Variants in C4orf17 observed in about 807,000 individuals in gnomAD.
C4orf17 encodes uncharacterized protein C4orf17.
C4orf17 carries 25 observed loss-of-function variants against 32.0 expected under a neutral mutation model. The ratio of observed to expected loss-of-function variants is 0.78; its 90% CI spans 0.57 to 1.09. The LOEUF is 1.09. Ranked by LOEUF, C4orf17 falls within the 50% of genes least tolerant of loss-of-function variation. The pLI, the probability that C4orf17 is intolerant of heterozygous loss-of-function variation, is 0.00. For missense variants in C4orf17, 420 were observed against 420.0 expected, an observed-to-expected ratio of 1.00 and a Z score of 0.00; for synonymous variants, 149 against 145.8, an observed-to-expected ratio of 1.02 and a Z score of -0.16.
chr4:99,539,065 C>T (rs954719096), intron 6 of C4orf17, 98 bp from the exon 7 acceptor site: 2 of 1,076,408 alleles, frequency 1.9e-6, no homozygotes, highest in Admixed American at 4.1e-5. Flanking sequence ...AATAGATGAC[C>T]AGTCTTTCAT....
Position 99,520,338 on chromosome 4 carries a change from G to A in C4orf17, c.128-2162G>A, listed in dbSNP as rs570901655. The stretch of plus-strand genomic sequence containing the variant: ...TCTCGATCTCCTGACCTCGTGATCC[G>A]CCCGCCTCAGCCTCCCAAAGTGCTG... On this transcript the variant is annotated intron_variant, in intron 2 of 8. Transcript: ENST00000326581. 4.6e-5 allele frequency among the ~76,000 whole-genome samples: 7 copies of A among 151,774 alleles called. No homozygotes were observed. In the South Asian group the frequency reaches 6.2e-4, roughly 13 times the overall value.
chr4:99,519,715 G>A (rs1000079019), intron 2 of C4orf17, among the ~76,000 whole-genome samples: 2 of 152,160 alleles, frequency 1.3e-5, no homozygotes, highest in African/African-American at 4.8e-5. Context: ...GTAGAAAGTG[G>A]AAGATGAGCA....
At chr4:99,524,609 A>C (rs762954593) in intron 4 of C4orf17, 24 bp downstream of exon 4, 10 of 863,050 alleles carry the variant, frequency 1.2e-5, no homozygotes, top group Non-Finnish European at 1.6e-6. Flanking sequence ...ATTTACTGCT[A>C]TCTATTTAGT....
chr4:99,526,820 T>C (rs1013469219), intron 4 of C4orf17, among the ~76,000 whole-genome samples: 3 of 152,102 alleles, frequency 2.0e-5, no homozygotes, highest in Non-Finnish European at 4.4e-5. Context: ...GTTTAATGTT[T>C]GTTCTCTCAT....
chr4:99,539,290 A>G lies in C4orf17; in HGVS notation c.756A>G (p.Pro252=). 6.2e-7 allele frequency: 1 copy of G among 1,614,094 alleles called. No individual in the cohort carries two copies. Among genetic ancestry groups the G allele is most frequent in the African/African-American group, 1.3e-5 (1 of 75,054 alleles). ...GGAAGCCACCCACAGTTAAATCACC[A>G]CCCACAGTTAAATTGCCCCCAAATT... is the stretch of plus-strand genomic sequence containing the variant. ...ETGKPPTVKS[P]PTVKLPPNFT... Residue 252 remains proline (P), a synonymous_variant, in exon 7 of 9, where the codon CCA becomes CCG. Transcript: ENST00000326581.
At chr4:99,522,473 CTCT>C in intron 2 of C4orf17, 24 bp from the exon 3 acceptor site, 1 of 1,568,274 alleles carries the variant, frequency 6.4e-7, no homozygotes, top group Non-Finnish European at 8.8e-7. Context: ...CTTGATCTGT[CTCT>C]TTTTTTAATC....
rs189643370 is a variant in C4orf17, at chr4:99,523,885, T to C, written c.338-636T>C. Among the ~76,000 whole-genome samples, 795 of 151,250 alleles carry C rather than the reference T, an allele frequency of 5.3e-3. 8 individuals carry two copies. The highest frequency in any genetic ancestry group is 0.019 in the African/African-American group (769 of 41,254). ...CACAAACCATCTTTCTGTCTAAAGG[T>C]CAAATAACAAAAAAATTCTCTTTAA... On this transcript the variant is annotated intron_variant, in intron 3 of 8. Transcript: ENST00000326581.
chr4:99,518,730 C>G (rs2718688), intron 2 of C4orf17, among the ~76,000 whole-genome samples: 73,995 of 149,232 alleles, frequency 0.5, 20,432 homozygotes, highest in East Asian at 0.66. Flanking sequence ...ACTCCCTCCC[C>G]CATTATGCAT....
intron 3 of C4orf17, among the ~76,000 whole-genome samples, chr4:99,523,392 T>C (rs955407058): frequency 1.3e-5 from 2 of 152,200 alleles, no homozygotes; most frequent in Non-Finnish European, 2.9e-5. Flanking sequence ...TATGGCATAA[T>C]GTAGTAAAAT....
rs776282829 is a variant in C4orf17, at chr4:99,513,053, G to A, written c.-29G>A. On this transcript the variant is annotated 5_prime_UTR_variant, in exon 2 of 9. Transcript: ENST00000326581. ...CCCCAAAAACTTTTGTGACAACAGT[G>A]AAGAGGGGAAAATAAACACACCACA... The A allele has an allele frequency of 6.2e-7, 1 of 1,612,912 alleles. No homozygotes were observed. The highest frequency in any genetic ancestry group is 2.2e-5 in the East Asian group (1 of 44,826).
At chr4:99,524,717 A>C (rs746640883) in intron 4 of C4orf17, 132 bp downstream of exon 4, 10 of 573,852 alleles carry the variant, frequency 1.7e-5, no homozygotes, top group Non-Finnish European at 2.8e-5. Context: ...TCTAATTAAC[A>C]TAATATAAGA....
chr4:99,515,682 T>A (rs548710010), intron 2 of C4orf17, among the ~76,000 whole-genome samples: 13 of 152,060 alleles, frequency 8.5e-5, no homozygotes, highest in Non-Finnish European at 1.8e-4. Flanking sequence ...AAAACTGCAG[T>A]TGTACTCCTG....
At chr4:99,515,065 C>G (rs1157816792) in intron 2 of C4orf17, among the ~76,000 whole-genome samples, 1 of 152,088 alleles carries the variant, frequency 6.6e-6, no homozygotes. Flanking sequence ...GATGCAAAGG[C>G]AGAAGAATGT....
Position 99,540,410 on chromosome 4 carries a change from A to G in C4orf17, c.837-2A>G, listed in dbSNP as rs1404154259. The G allele has an allele frequency of 6.2e-7, 1 of 1,610,328 alleles. No individual in the cohort carries two copies. Among genetic ancestry groups the G allele is most frequent in the Non-Finnish European group, 8.5e-7 (1 of 1,177,238 alleles). On this transcript the variant is annotated splice_acceptor_variant, in intron 7 of 8. Transcript: ENST00000326581. LOFTEE classifies it high-confidence loss of function. Reference sequence around the variant, plus strand: ...ACTTTTTTCTTTCTCCAACTGATCTAGAGTGTCAAGTCAAGGATCTGAAGA... The same window carrying G: ...ACTTTTTTCTTTCTCCAACTGATCTGGAGTGTCAAGTCAAGGATCTGAAGA...
intron 2 of C4orf17, among the ~76,000 whole-genome samples, chr4:99,517,290 C>A (rs1723203974): frequency 6.6e-6 from 1 of 152,172 alleles, no homozygotes; most frequent in African/African-American, 2.4e-5. Flanking sequence ...ATTAGTAGGC[C>A]ATGGTTCAAA....
chr4:99,513,066 T>C lies in C4orf17; in HGVS notation c.-16T>C, dbSNP rs764815690. The C allele has an allele frequency of 6.2e-6, 10 of 1,613,094 alleles. No homozygotes were observed. Among genetic ancestry groups the C allele is most frequent in the Admixed American group, 3.3e-5 (2 of 59,898 alleles). ...TGTGACAACAGTGAAGAGGGGAAAA[T>C]AAACACACCACAAACATGAACCTCA... On this transcript the variant is annotated 5_prime_UTR_variant, in exon 2 of 9. Coordinates refer to ENST00000326581, the MANE Select transcript of C4orf17 (RefSeq NM_032149.3).
At chr4:99,539,694 A>G (rs1054068882) in intron 7 of C4orf17, among the ~76,000 whole-genome samples, 5 of 152,212 alleles carry the variant, frequency 3.3e-5, no homozygotes, top group African/African-American at 1.2e-4. Flanking sequence ...TTATAGTTTA[A>G]CTAAAAATAG....
chr4:99,512,817 C>G (rs113957931), intron 1 of C4orf17, among the ~76,000 whole-genome samples, 172 bp from the exon 2 acceptor site: 4 of 152,066 alleles, frequency 2.6e-5, no homozygotes, highest in African/African-American at 9.6e-5. Context: ...TTAGATCCAC[C>G]CATGCCTATA....
chr4:99,513,999 T>A (rs1723137301), intron 2 of C4orf17, among the ~76,000 whole-genome samples: 1 of 152,078 alleles, frequency 6.6e-6, no homozygotes, highest in African/African-American at 2.4e-5. Context: ...ATGGGGTGAC[T>A]GTGTGATACC....
Sources: gnomAD v4.1 joint callset for allele counts (sites outside exome capture counted in the v4.1 genomes callset) on GRCh38, gnomAD v4.1.1 for gene constraint, MANE v1.5 for transcripts, NCBI Gene and HGNC (gene_info 2026-07-23, HGNC 2026-07-21) for gene names.